METTL14: variants seen among roughly 807,000 people sequenced by gnomAD.
METTL14 encodes N(6)-adenosine-methyltransferase non-catalytic subunit METTL14.
In METTL14, 32 loss-of-function variants were observed where a neutral mutation model predicts 62.4. The ratio of observed to expected loss-of-function variants is 0.51; its 90% confidence interval spans 0.39 to 0.69. The LOEUF (loss-of-function observed/expected upper bound fraction) is 0.69, where lower values mean the gene tolerates loss of function less well. METTL14 is among the 30% of genes least tolerant of loss of function. The pLI is 0.00. For synonymous variants in METTL14, 150 were observed against 180.0 expected (o/e 0.83, Z 1.34); for missense variants, 340 against 551.9 (o/e 0.62, Z 3.85).
Position 118,711,556 on chromosome 4 carries a change from G to A in METTL14, c.*1254G>A, listed in dbSNP as rs1253603487. 6.6e-6 allele frequency: 1 copy of A among 152,094 alleles called. No individual in the cohort carries two copies. The highest frequency in any genetic ancestry group is 1.5e-5 in the Non-Finnish European group (1 of 68,030). The allele number at this position is 152,094 out of a possible 1,614,324, so 9.4% of individuals were successfully genotyped here. On this transcript the variant is annotated 3_prime_UTR_variant, in exon 11 of 11. Transcript: ENST00000388822. ...TGGTCTGTGATGGATTTTAATGGCC[G>A]TTCTGTGCTCATATATACCTAAGAT...
chr4:118,688,195 G>A (rs1189760763), intron 2 of METTL14, among the ~76,000 whole-genome samples, 184 bp downstream of exon 2: 1 of 151,858 alleles, frequency 6.6e-6, no homozygotes, highest in African/African-American at 2.4e-5. Flanking sequence ...CCACTGTGCC[G>A]AGGCAGGTGG....
intron 8 of METTL14, among the ~76,000 whole-genome samples, chr4:118,703,568 G>A (rs1363868034): frequency 6.6e-6 from 1 of 152,188 alleles, no homozygotes; most frequent in Non-Finnish European, 1.5e-5. Context: ...GAGTTGGCAG[G>A]AATCAAATTG....
At chr4:118,686,378 T>C (rs561789723) in intron 1 of METTL14, among the ~76,000 whole-genome samples, 32 of 152,354 alleles carry the variant, frequency 2.1e-4, no homozygotes, top group African/African-American at 7.7e-4. Context: ...TTGTGCACAG[T>C]TCTACTTAAA....
At position 118,710,648 on chromosome 4, in the gene METTL14, G is replaced by C. The variant is rs895044363; in HGVS notation, c.*346G>C. 5.3e-6 allele frequency: 1 copy of C among 187,842 alleles called. No individual in the cohort carries two copies. Among genetic ancestry groups the C allele is most frequent in the African/African-American group, 2.4e-5 (1 of 42,348 alleles). The allele number at this position is 187,842 out of a possible 1,614,324, so 11.6% of individuals were successfully genotyped here. ...ATAATGGAAAAAGATCCAGTCTGTG[G>C]TATCATGCTAGTGCTGACAGGGCCT... On this transcript the variant is annotated 3_prime_UTR_variant, in exon 11 of 11. Coordinates refer to ENST00000388822, the MANE Select transcript of METTL14 (RefSeq NM_020961.4).
chr4:118,699,668 A>AATCC (rs1724528342), intron 7 of METTL14, among the ~76,000 whole-genome samples: 1 of 152,234 alleles, frequency 6.6e-6, no homozygotes, highest in South Asian at 2.1e-4. Flanking sequence ...AGGTTTCAGC[A>AATCC]GTGAAGGTAC....
At chr4:118,692,991 C>T (rs1015875064) in intron 5 of METTL14, among the ~76,000 whole-genome samples, 4 of 152,200 alleles carry the variant, frequency 2.6e-5, no homozygotes, top group East Asian at 3.9e-4. Flanking sequence ...GATGTTGAAG[C>T]ATGTGCCTGT....
In METTL14 at chr4:118,710,668, G is replaced by A. The variant is rs1724893839; in HGVS notation, c.*366G>A. The A allele has an allele frequency of 6.1e-6, 1 of 163,840 alleles. No homozygotes were observed. Among genetic ancestry groups the A allele is most frequent in the South Asian group, 1.9e-4 (1 of 5,190 alleles). The allele number at this position is 163,840 out of a possible 1,614,324, so 10.1% of individuals were successfully genotyped here. A position where few individuals can be genotyped will look rare whatever the true frequency, so the allele number is the denominator to read the frequency against. ...CTGTGGTATCATGCTAGTGCTGACA[G>A]GGCCTTGATAGAATAGAGTTGGAAA... On this transcript the variant is annotated 3_prime_UTR_variant, in exon 11 of 11. Transcript: ENST00000388822.
chr4:118,692,828 T>C (rs1188119542), intron 5 of METTL14, among the ~76,000 whole-genome samples: 2 of 152,132 alleles, frequency 1.3e-5, no homozygotes, highest in African/African-American at 4.8e-5. Context: ...ATTTCCTCTC[T>C]CTCATCTACC....
At chr4:118,707,624 A>G (rs1411763350) in intron 10 of METTL14, among the ~76,000 whole-genome samples, 1 of 147,080 alleles carries the variant, frequency 6.8e-6, no homozygotes, top group Non-Finnish European at 1.5e-5. Context: ...AGATTGTGCC[A>G]CTGTACTCCA....
Position 118,712,167 on chromosome 4 carries a change from C to T in METTL14, c.*1865C>T, listed in dbSNP as rs896720648. The T allele has an allele frequency of 6.6e-6, 1 of 152,184 alleles. No individual in the cohort carries two copies. The highest frequency in any genetic ancestry group is 1.5e-5 in the Non-Finnish European group (1 of 68,030). The allele number at this position is 152,184 out of a possible 1,614,324, so 9.4% of individuals were successfully genotyped here. A position where few individuals can be genotyped will look rare whatever the true frequency, so the allele number is the denominator to read the frequency against. On this transcript the variant is annotated 3_prime_UTR_variant, in exon 11 of 11. Coordinates refer to ENST00000388822, the MANE Select transcript of METTL14 (RefSeq NM_020961.4). ...TTAATAGCAGGATGGAATTGATTCACTAGTTTTTGCTAACTTTCACTTTCA... is the reference window on the plus strand; with the variant it reads ...TTAATAGCAGGATGGAATTGATTCATTAGTTTTTGCTAACTTTCACTTTCA...
chr4:118,701,743 GGGA>G (rs1377575746), intron 8 of METTL14, among the ~76,000 whole-genome samples: 1 of 151,970 alleles, frequency 6.6e-6, no homozygotes, highest in Non-Finnish European at 1.5e-5. Context: ...TTCCAATTTG[GGGA>G]GGTATCCATT....
chr4:118,705,658 C>T lies in METTL14; in HGVS notation c.903C>T (p.Asp301=), dbSNP rs747742731. ...AAGGAACTGTGAAGCGTAGCACAGA[C>T]GGGGACTTCATTCATGCTAATGTTG... ...GIKGTVKRST[D]GDFIHANVDI... The change falls in exon 10 of 11, where the codon GAC becomes GAT. Residue 301 remains aspartate, a synonymous_variant. Coordinates refer to ENST00000388822, the MANE Select transcript of METTL14 (RefSeq NM_020961.4). 2.8e-5 allele frequency: 46 copies of T among 1,614,124 alleles called. 1 individual carries two copies. The South Asian group carries it at 3.6e-4, about 13-fold the overall frequency.
intron 8 of METTL14, among the ~76,000 whole-genome samples, chr4:118,701,026 A>G (rs1167810292): frequency 6.6e-6 from 1 of 152,198 alleles, no homozygotes; most frequent in Non-Finnish European, 1.5e-5. Context: ...CCTGAAATCC[A>G]AATGGAAGTC....
chr4:118,702,468 A>G (rs1407648037), intron 8 of METTL14, among the ~76,000 whole-genome samples: 1 of 152,032 alleles, frequency 6.6e-6, no homozygotes, highest in Non-Finnish European at 1.5e-5. Flanking sequence ...ATTGATCTTG[A>G]TTTTGGAGAT....
chr4:118,697,743 A>G (rs951275314), intron 7 of METTL14, among the ~76,000 whole-genome samples: 1 of 152,152 alleles, frequency 6.6e-6, no homozygotes, highest in Non-Finnish European at 1.5e-5. Context: ...GTATGGATAA[A>G]CACCCTGTAT....
intron 10 of METTL14, among the ~76,000 whole-genome samples, chr4:118,706,064 A>G (rs1724747760): frequency 6.6e-6 from 1 of 152,228 alleles, no homozygotes; most frequent in African/African-American, 2.4e-5. Flanking sequence ...ACAGAGTGGT[A>G]CATTTGTTAC....
In METTL14 at chr4:118,714,458, GTC is replaced by G. The variant is rs1448278026; in HGVS notation, c.*4158_*4159del. 1.3e-5 allele frequency: 2 copies of G among 152,198 alleles called. No individual in the cohort carries two copies. The highest frequency in any genetic ancestry group is 2.9e-5 in the Non-Finnish European group (2 of 68,046). 9.4% of individuals were successfully genotyped at this position (152,198 alleles called of 1,614,324 possible). On this transcript the variant is annotated 3_prime_UTR_variant, in exon 11 of 11. Coordinates refer to ENST00000388822, the MANE Select transcript of METTL14 (RefSeq NM_020961.4). The stretch of plus-strand genomic sequence containing the variant: ...TGTCACCACAGAGAGAAGAGGGTAA[GTC>G]TGAGATGTTCATGTGCATTTCCCTA...
In METTL14 at chr4:118,710,199, C is replaced by G; in HGVS notation, c.1268C>G (p.Ala423Gly). The G allele has an allele frequency of 6.2e-7, 1 of 1,614,198 alleles. No individual in the cohort carries two copies. The highest frequency in any genetic ancestry group is 1.1e-5 in the South Asian group (1 of 91,090). The change falls in exon 11 of 11, where the codon GCT becomes GGT. Residue 423 changes from alanine (A) to glycine (G), a missense_variant. Physicochemically the swap from Ala to Gly is moderately conservative, Grantham distance 60. Coordinates refer to ENST00000388822, the MANE Select transcript of METTL14 (RefSeq NM_020961.4). ...PRGGGRGGTS[A>G]GRGRERNRSN... ...GGTGGAGGAAGAGGTGGAACTTCTG[C>G]TGGCCGTGGACGAGAAAGAAATAGA...
intron 10 of METTL14, among the ~76,000 whole-genome samples, chr4:118,708,963 A>G (rs1464342046): frequency 1.3e-5 from 2 of 152,264 alleles, no homozygotes; most frequent in Non-Finnish European, 2.9e-5. Flanking sequence ...TTAATCAATC[A>G]GAAAATATCC....
Sources: allele counts gnomAD v4.1 joint callset (sites outside exome capture counted in the v4.1 genomes callset), GRCh38; gene constraint gnomAD v4.1.1; transcripts MANE v1.5; gene names NCBI Gene and HGNC (gene_info 2026-07-23, HGNC 2026-07-21).